DST: variants seen among roughly 807,000 people sequenced by gnomAD.
DST encodes bullous pemphigoid antigen.
A neutral mutation model predicts 875.2 loss-of-function variants in DST; 253 were observed. The observed-to-expected ratio is 0.29, with a 90% CI of 0.26 to 0.32. The LOEUF is 0.32. Ranked by LOEUF, DST falls within the 10% of genes least tolerant of loss-of-function variation. The pLI, the probability that DST is intolerant of heterozygous loss-of-function variation, is 1.00. For synonymous variants in DST, 3,124 were observed against 3,197.1 expected, an observed-to-expected ratio of 0.98 and a Z score of 0.77; for missense variants, 8,287 against 9,111.6, an observed-to-expected ratio of 0.91 and a Z score of 3.68.
At chr6:56,646,330 A>C (rs2098942418) in intron 13 of DST, 148 bp from the exon 14 acceptor site, 1 of 484,870 alleles carries the variant, frequency 2.1e-6, no homozygotes, top group Non-Finnish European at 3.6e-6. Flanking sequence ...GACAATACCA[A>C]TTTCCAGCCA....
chr6:56,746,281 C>T (rs1021332968), intron 4 of DST, among the ~76,000 whole-genome samples: 5 of 152,206 alleles, frequency 3.3e-5, no homozygotes, highest in South Asian at 2.1e-4. Flanking sequence ...CCACCTCACT[C>T]GGCCACAAAG....
At chr6:56,774,248 C>G (rs1406168796) in intron 4 of DST, among the ~76,000 whole-genome samples, 1 of 152,140 alleles carries the variant, frequency 6.6e-6, no homozygotes, top group Non-Finnish European at 1.5e-5. Context: ...TCTACCTGAC[C>G]CAAACTTACC....
intron 75 of DST, 79 bp from the exon 76 acceptor site, chr6:56,506,868 G>T: frequency 1.4e-5 from 19 of 1,356,002 alleles, no homozygotes; most frequent in South Asian, 6.2e-5. Context: ...CAATATCAAT[G>T]GTAGTTATTT....
intron 4 of DST, among the ~76,000 whole-genome samples, chr6:56,787,830 T>C (rs572262563): frequency 2.0e-5 from 3 of 152,250 alleles, no homozygotes; most frequent in African/African-American, 7.2e-5. Context: ...TTATGAAGCA[T>C]ATATTCTCTT....
At chr6:56,636,314 GTGTGTATATA>G (rs1383606604) in intron 23 of DST, among the ~76,000 whole-genome samples, 5 of 149,056 alleles carry the variant, frequency 3.4e-5, no homozygotes, top group African/African-American at 5.0e-5. Context: ...ATATAACAGT[GTGTGTATATA>G]TGTGTATATA....
chr6:56,833,979 G>A (rs908741383), intron 4 of DST, among the ~76,000 whole-genome samples: 2 of 151,902 alleles, frequency 1.3e-5, no homozygotes, highest in Admixed American at 6.6e-5. Flanking sequence ...GTAAATCCCA[G>A]CACTTTAGAA....
chr6:56,561,578 C>T, intron 56 of DST, 29 bp from the exon 57 acceptor site: 1 of 1,582,924 alleles, frequency 6.3e-7, no homozygotes, highest in South Asian at 1.2e-5. Flanking sequence ...ACTATACTGA[C>T]ACATTTTCAG....
At chr6:56,537,008 T>C in intron 61 of DST, 68 bp from the exon 62 acceptor site, 5 of 1,408,438 alleles carry the variant, frequency 3.6e-6, no homozygotes, top group Non-Finnish European at 3.9e-6. Context: ...ATAATAAGCA[T>C]TTCTTTAGGC....
intron 3 of DST, among the ~76,000 whole-genome samples, chr6:56,864,528 G>C (rs1292945394): frequency 6.9e-6 from 1 of 144,484 alleles, no homozygotes; most frequent in Non-Finnish European, 1.5e-5. Flanking sequence ...ACCAAGCTGA[G>C]TTAGGAAGCC....
intron 4 of DST, among the ~76,000 whole-genome samples, chr6:56,832,692 A>C (rs1476724271): frequency 6.6e-6 from 1 of 151,792 alleles, no homozygotes; most frequent in African/African-American, 2.4e-5. Flanking sequence ...GCAAAATCAA[A>C]CTCTTAATTT....
intron 82 of DST, among the ~76,000 whole-genome samples, chr6:56,495,846 T>C (rs2095883714): frequency 6.6e-6 from 1 of 152,166 alleles, no homozygotes; most frequent in African/African-American, 2.4e-5. Context: ...GATTGTGAAA[T>C]AAATATGATG....
chr6:56,928,829 C>T (rs1004317935), intron 2 of DST, among the ~76,000 whole-genome samples: 1 of 151,398 alleles, frequency 6.6e-6, no homozygotes, highest in Non-Finnish European at 1.5e-5. Context: ...TTAATCACAA[C>T]CAAAATAAAA....
At position 56,634,938 on chromosome 6, in the gene DST, G is replaced by T. The variant is rs1011289583; in HGVS notation, c.3202C>A (p.Leu1068Ile). 5.0e-6 allele frequency: 8 copies of T among 1,612,410 alleles called. No individual in the cohort carries two copies. The African/African-American group carries it at 5.3e-5, about 11-fold the overall frequency. The part of the protein sequence containing the change: ...VQESMEEKEE[L>I]LQYKSTIANL... ...GCTATAGTGCTTTTGTACTGCAGAA[G>T]TTCTTCTTTCTCTTCCTAAGTAATA... The change falls in exon 25 of 104, where the codon CTT becomes ATT. Residue 1068 changes from leucine (L) to isoleucine (I), a missense_variant. Leu to Ile is a conservative substitution (Grantham distance 5). This residue lies in a region of DST where 1,160 missense variants were observed against 1,424.3 expected (regional missense o/e 0.81). Transcript: ENST00000680361.
intron 7 of DST, 25 bp from the exon 8 acceptor site, chr6:56,701,990 G>GA (rs771460540): frequency 1.4e-6 from 2 of 1,449,314 alleles, no homozygotes; most frequent in Admixed American, 1.7e-5. Context: ...ATGCAGGTAT[G>GA]AAAAAGAGTT....
intron 4 of DST, among the ~76,000 whole-genome samples, chr6:56,792,956 C>T (rs2099730661): frequency 6.6e-6 from 1 of 150,470 alleles, no homozygotes; most frequent in African/African-American, 2.4e-5. Context: ...GTAGTCCCAG[C>T]TACTCAGAGG....
intron 47 of DST, among the ~76,000 whole-genome samples, chr6:56,596,176 G>A (rs913017102): frequency 7.2e-5 from 11 of 151,786 alleles, no homozygotes; most frequent in Admixed American, 5.3e-4. Context: ...TTACAGGCAC[G>A]CACCACCACA....
chr6:56,527,384 C>A, intron 68 of DST, 109 bp downstream of exon 68: 3 of 1,371,266 alleles, frequency 2.2e-6, no homozygotes, highest in Non-Finnish European at 1.9e-6. Context: ...CCCACCAAGG[C>A]ATCCTTCAGC....
At chr6:56,535,032 T>C in intron 63 of DST, 90 bp downstream of exon 63, 2 of 1,432,774 alleles carry the variant, frequency 1.4e-6, no homozygotes. Context: ...AACTAGGTTA[T>C]CCTATTAATT....
chr6:56,516,127 GA>G (rs2096581836), intron 71 of DST, among the ~76,000 whole-genome samples: 3 of 77,246 alleles, frequency 3.9e-5, no homozygotes, highest in Non-Finnish European at 9.1e-5. Flanking sequence ...TAGAAAGAGA[GA>G]GAGGGAGAGA....
Sources: allele counts gnomAD v4.1 joint callset (sites outside exome capture counted in the v4.1 genomes callset), GRCh38; gene constraint gnomAD v4.1.1; regional missense constraint gnomAD v4.1.1; transcripts MANE v1.5; gene names NCBI Gene and HGNC (gene_info 2026-07-23, HGNC 2026-07-21).